Variants in GNG12 observed in about 807,000 individuals in gnomAD.
The protein encoded by GNG12 is guanine nucleotide-binding protein G(I)/G(S)/G(O) subunit gamma-12.
For missense variants in GNG12, 69 were observed against 83.8 expected (o/e 0.82, Z 0.69); for synonymous variants, 28 against 29.7 (o/e 0.94, Z 0.19).
intron 2 of GNG12, among the ~76,000 whole-genome samples, chr1:67,727,261 G>A (rs1646392178): frequency 6.6e-6 from 1 of 152,200 alleles, no homozygotes; most frequent in Non-Finnish European, 1.5e-5. Flanking sequence ...AGAGATCACA[G>A]GAGACCAGTA....
intron 1 of GNG12, among the ~76,000 whole-genome samples, chr1:67,780,809 T>C (rs1646733431): frequency 6.6e-6 from 1 of 152,158 alleles, no homozygotes. Context: ...TCCAAGTTCA[T>C]CAGTTTTATT....
At position 67,804,588 on chromosome 1, in the gene GNG12, A is replaced by T. The variant is rs374624894; in HGVS notation, c.-76-27081T>A. Among the ~76,000 whole-genome samples the T allele has an allele frequency of 2.0e-4, 30 of 152,284 alleles. 1 individual carries two copies. In the South Asian group the frequency reaches 6.2e-3, roughly 32 times the overall value. On this transcript the variant is annotated intron_variant, in intron 1 of 3. Transcript: ENST00000370982. ...AACAACTAAAAAGCTGAACAAATGG[A>T]AAAACCAACAATTCTTCTTGGATGC...
intron 2 of GNG12, among the ~76,000 whole-genome samples, chr1:67,723,965 T>G (rs1358436851): frequency 6.6e-6 from 1 of 152,086 alleles, no homozygotes; most frequent in African/African-American, 2.4e-5. Flanking sequence ...TTCCACAGCT[T>G]GAAGGGAATG....
chr1:67,751,743 G>A (rs951137018), intron 2 of GNG12, among the ~76,000 whole-genome samples: 4 of 152,186 alleles, frequency 2.6e-5, no homozygotes, highest in Non-Finnish European at 2.9e-5. Context: ...GACATCTCTT[G>A]TGTCTCTATG....
At chr1:67,755,132 C>G (rs1025119416) in intron 2 of GNG12, among the ~76,000 whole-genome samples, 1 of 152,232 alleles carries the variant, frequency 6.6e-6, no homozygotes, top group African/African-American at 2.4e-5. Context: ...GGATGGGATG[C>G]CTTTGACCTT....
At chr1:67,787,095 AC>A (rs1246419267) in intron 1 of GNG12, among the ~76,000 whole-genome samples, 1 of 147,308 alleles carries the variant, frequency 6.8e-6, no homozygotes, top group Admixed American at 6.7e-5. Flanking sequence ...CAAGGAACCC[AC>A]AGTAAGTCAT....
chr1:67,779,180 A>C (rs1205980941), intron 1 of GNG12, among the ~76,000 whole-genome samples: 1 of 152,212 alleles, frequency 6.6e-6, no homozygotes, highest in East Asian at 1.9e-4. Flanking sequence ...AGGGAGTTAG[A>C]AAGAATCAAG....
rs528739844 is a variant in GNG12 at position 67,790,678 on chromosome 1, C to T, written c.-76-13171G>A. On this transcript the variant is annotated intron_variant, in intron 1 of 3. Coordinates refer to ENST00000370982, the MANE Select transcript of GNG12 (RefSeq NM_018841.6). The stretch of plus-strand genomic sequence containing the variant: ...AGGCTGGAATGCAGTGGCACTATCT[C>T]GGCTCTCTGTAACCTCTGCCTCCCG... 4.0e-5 allele frequency among the ~76,000 whole-genome samples: 6 copies of T among 150,656 alleles called. No homozygotes were observed. In the South Asian group the frequency reaches 6.3e-4, roughly 16 times the overall value.
chr1:67,808,278 A>AAT (rs1231190640), intron 1 of GNG12, among the ~76,000 whole-genome samples: 4 of 152,078 alleles, frequency 2.6e-5, no homozygotes, highest in African/African-American at 9.7e-5. Flanking sequence ...TTTTTTAAAA[A>AAT]AACTATGTAA....
intron 1 of GNG12, among the ~76,000 whole-genome samples, chr1:67,796,587 G>A (rs192245254): frequency 3.3e-5 from 5 of 151,964 alleles, no homozygotes; most frequent in Non-Finnish European, 5.9e-5. Flanking sequence ...CAATAAATAT[G>A]TATTTACTAG....
intron 1 of GNG12, among the ~76,000 whole-genome samples, chr1:67,823,819 A>G (rs1228700071): frequency 1.6e-4 from 25 of 152,192 alleles, no homozygotes; most frequent in Admixed American, 1.6e-3. Context: ...CACCTTCACA[A>G]AGCAAAATGA....
chr1:67,803,423 G>T (rs762763251), intron 1 of GNG12, among the ~76,000 whole-genome samples: 18 of 152,138 alleles, frequency 1.2e-4, no homozygotes, highest in Admixed American at 9.2e-4. Context: ...ATGAAAAAAA[G>T]GTTGAGAAGC....
intron 2 of GNG12, among the ~76,000 whole-genome samples, chr1:67,714,221 AGC>A (rs1646311950): frequency 1.3e-5 from 2 of 152,228 alleles, no homozygotes. Context: ...GCTGGATCTG[AGC>A]AGCAGCTGCC....
chr1:67,833,301 C>T, intron 1 of GNG12, 43 bp downstream of exon 1: 1 of 806,884 alleles, frequency 1.2e-6, no homozygotes, highest in Non-Finnish European at 1.5e-6. Flanking sequence ...CCCGACCCCG[C>T]GGGGACCCGA....
intron 1 of GNG12, among the ~76,000 whole-genome samples, chr1:67,790,646 G>A (rs1254260846): frequency 7.2e-6 from 1 of 139,128 alleles, no homozygotes; most frequent in Non-Finnish European, 1.5e-5. Flanking sequence ...ATCTCGCTCT[G>A]TTGCTCAGGC....
At chr1:67,707,495 C>A (rs538847885) in intron 3 of GNG12, 99 bp downstream of exon 3, 3 of 746,640 alleles carry the variant, frequency 4.0e-6, no homozygotes, top group Non-Finnish European at 7.0e-6. Context: ...TGGAAGCAAG[C>A]GGAATGAAAT....
At chr1:67,705,675 T>C (rs932085209) in intron 3 of GNG12, 99 bp from the exon 4 acceptor site, 8 of 1,429,722 alleles carry the variant, frequency 5.6e-6, no homozygotes, top group Non-Finnish European at 7.3e-6. Context: ...GAAGACTGAT[T>C]TGAACAAGAT....
At position 67,816,279 on chromosome 1, in the gene GNG12, C is replaced by T. The variant is rs181343334; in HGVS notation, c.-77+17065G>A. ...CACCCTAATGAAGATTACAGCCGAC[C>T]GTAGTAACTGGAGCATAGAGCGTGC... On this transcript the variant is annotated intron_variant, in intron 1 of 3. Transcript: ENST00000370982. 9.0e-4 allele frequency among the ~76,000 whole-genome samples: 137 copies of T among 152,234 alleles called. 3 individuals are homozygous for T. Among genetic ancestry groups the T allele is most frequent in the Admixed American group, 7.7e-3 (117 of 15,294 alleles).
chr1:67,705,512 A>G lies in GNG12; in HGVS notation c.158T>C (p.Leu53Pro). ...GTTTTCTGAAGTTGGTATTCCTATC[A>G]GCAAAGGGTCACTCCTGGCATGTTC... The part of the protein sequence containing the change: ...CEEHARSDPL[L>P]IGIPTSENPF... The change falls in exon 4 of 4, where the codon CTG becomes CCG. Residue 53 changes from leucine to proline, a missense_variant. Transcript: ENST00000370982. 6.2e-7 allele frequency: 1 copy of G among 1,614,206 alleles called. No individual in the cohort carries two copies. The highest frequency in any genetic ancestry group is 8.5e-7 in the Non-Finnish European group (1 of 1,180,034).
Sources: allele counts gnomAD v4.1 joint callset (sites outside exome capture counted in the v4.1 genomes callset), GRCh38; gene constraint gnomAD v4.1.1; transcripts MANE v1.5; gene names NCBI Gene and HGNC (gene_info 2026-07-23, HGNC 2026-07-21).